EEPD1: variants seen among roughly 807,000 people sequenced by gnomAD.
The protein encoded by EEPD1 is endonuclease/exonuclease/phosphatase family domain containing 1, also known as endonuclease/exonuclease/phosphatase family domain-containing protein 1.
Under a neutral mutation model 46.3 loss-of-function variants are expected in EEPD1, and 17 were observed. The observed-to-expected ratio is 0.37, with a 90% CI of 0.25 to 0.55. The LOEUF is 0.55. Among genes scored for constraint, EEPD1 ranks in the 20% least tolerant of loss-of-function variants. The pLI is 0.83. For missense variants in EEPD1, 673 were observed against 745.6 expected, an observed-to-expected ratio of 0.90 and a Z score of 1.13; for synonymous variants, 313 against 315.6, an observed-to-expected ratio of 0.99 and a Z score of 0.09.
intron 2 of EEPD1, among the ~76,000 whole-genome samples, chr7:36,186,870 A>G (rs1298710167): frequency 1.3e-5 from 2 of 152,224 alleles, no homozygotes; most frequent in Non-Finnish European, 1.5e-5. Flanking sequence ...TTTTGCCACA[A>G]CATGTGTTTC....
chr7:36,239,100 A>G, intron 3 of EEPD1, 64 bp downstream of exon 3: 1 of 1,518,672 alleles, frequency 6.6e-7, no homozygotes, highest in South Asian at 1.2e-5. Context: ...CATAAGAAAA[A>G]TTCAACTCCC....
rs1014408931 is a variant in EEPD1, at chr7:36,255,613, C to T, written c.930+16577C>T. On this transcript the variant is annotated intron_variant, in intron 3 of 7. Coordinates refer to ENST00000242108, the MANE Select transcript of EEPD1 (RefSeq NM_030636.3). ...TCTTCTACATTTTCTGGTTTATTTG[C>T]GTACAAGTGTTTATAGTATTCTCTG... Among the ~76,000 whole-genome samples, 194 of 152,146 alleles carry T rather than the reference C, an allele frequency of 1.3e-3. 3 individuals carry two copies. Among genetic ancestry groups the T allele is most frequent in the Admixed American group, 0.013 (192 of 15,268 alleles).
chr7:36,155,948 G>A (rs1234684130), intron 2 of EEPD1, among the ~76,000 whole-genome samples: 1 of 152,126 alleles, frequency 6.6e-6, no homozygotes, highest in Admixed American at 6.6e-5. Context: ...TGTTAGCCTC[G>A]TCATAAACAA....
intron 3 of EEPD1, among the ~76,000 whole-genome samples, chr7:36,256,341 T>C (rs1038411414): frequency 2.0e-5 from 3 of 152,238 alleles, no homozygotes; most frequent in Non-Finnish European, 2.9e-5. Flanking sequence ...TTAGGTCCAC[T>C]TGGTCCAGAG....
intron 2 of EEPD1, among the ~76,000 whole-genome samples, chr7:36,171,722 G>A (rs1785087087): frequency 1.3e-5 from 2 of 152,196 alleles, no homozygotes; most frequent in Admixed American, 1.3e-4. Context: ...AAGTATAGTT[G>A]GGAAGTGTAC....
intron 6 of EEPD1, among the ~76,000 whole-genome samples, chr7:36,291,268 G>C (rs1787425217): frequency 6.6e-6 from 1 of 152,194 alleles, no homozygotes; most frequent in Non-Finnish European, 1.5e-5. Flanking sequence ...GGTTCCGCTT[G>C]TCTGTTGCTC....
At chr7:36,298,962 AC>A in intron 7 of EEPD1, 44 bp from the exon 8 acceptor site, 1 of 1,598,430 alleles carries the variant, frequency 6.3e-7, no homozygotes, top group Non-Finnish European at 8.5e-7. Flanking sequence ...CCCGCACCCA[AC>A]CCCCCATCCT....
At chr7:36,280,682 G>A (rs1351125464) in intron 3 of EEPD1, among the ~76,000 whole-genome samples, 1 of 152,126 alleles carries the variant, frequency 6.6e-6, no homozygotes, top group Non-Finnish European at 1.5e-5. Flanking sequence ...GTCATTTTTT[G>A]CCCCTGTAAG....
intron 3 of EEPD1, among the ~76,000 whole-genome samples, chr7:36,268,776 C>T (rs917155674): frequency 1.3e-5 from 2 of 152,196 alleles, no homozygotes; most frequent in African/African-American, 4.8e-5. Flanking sequence ...GGTGCCAGGC[C>T]TGTGCTACCT....
At chr7:36,273,219 C>G (rs1207905544) in intron 3 of EEPD1, among the ~76,000 whole-genome samples, 2 of 152,034 alleles carry the variant, frequency 1.3e-5, no homozygotes, top group African/African-American at 4.8e-5. Context: ...GCTATGTTAC[C>G]TTTCTGAGCC....
At chr7:36,214,045 C>T (rs983648870) in intron 2 of EEPD1, among the ~76,000 whole-genome samples, 2 of 152,102 alleles carry the variant, frequency 1.3e-5, no homozygotes, top group Non-Finnish European at 1.5e-5. Context: ...TTCAAGGAGA[C>T]AGCAGACACC....
intron 3 of EEPD1, among the ~76,000 whole-genome samples, chr7:36,267,022 C>T (rs1338083090): frequency 1.3e-5 from 2 of 152,192 alleles, no homozygotes; most frequent in African/African-American, 4.8e-5. Context: ...GGGAGTAGTG[C>T]TCCTGTGAAC....
At chr7:36,197,269 C>T (rs1444887038) in intron 2 of EEPD1, among the ~76,000 whole-genome samples, 21 of 144,570 alleles carry the variant, frequency 1.5e-4, no homozygotes, top group African/African-American at 4.9e-4. Flanking sequence ...CCCGGGCAGC[C>T]GCCCCGTCCG....
At chr7:36,179,551 C>T (rs553753085) in intron 2 of EEPD1, among the ~76,000 whole-genome samples, 5 of 151,232 alleles carry the variant, frequency 3.3e-5, no homozygotes, top group African/African-American at 9.7e-5. Context: ...CAAGAAAGGA[C>T]CACACTGTCT....
intron 2 of EEPD1, among the ~76,000 whole-genome samples, chr7:36,197,506 A>G (rs141587944): frequency 0.11 from 17,071 of 152,222 alleles, 1,100 homozygotes; most frequent in Middle Eastern, 0.16. Context: ...GAGAAATTGG[A>G]TGGTTGCCGT....
chr7:36,225,406 A>G lies in EEPD1; in HGVS notation c.879-13579A>G, dbSNP rs1225947240. Among the ~76,000 whole-genome samples, 10 of 152,192 alleles carry G rather than the reference A, an allele frequency of 6.6e-5. No individual in the cohort carries two copies. ...ATTGAAATCAGTGATCCGTCATCCA[A>G]ACTGTGATGGAAGGAAACCCCGTGC... On this transcript the variant is annotated intron_variant, in intron 2 of 7. Coordinates refer to ENST00000242108, the MANE Select transcript of EEPD1 (RefSeq NM_030636.3). This position sits in a 1 kb window ranked among gnomAD's most constrained non-coding sequence, Gnocchi z 4.2.
At chr7:36,160,596 G>A (rs1048164516) in intron 2 of EEPD1, among the ~76,000 whole-genome samples, 1 of 151,772 alleles carries the variant, frequency 6.6e-6, no homozygotes, top group Admixed American at 6.6e-5. Flanking sequence ...TCTTGTAACA[G>A]CAGGAGGAGG....
chr7:36,228,882 AT>A (rs1240710479), intron 2 of EEPD1: 1 of 152,182 alleles, frequency 6.6e-6, no homozygotes, highest in Non-Finnish European at 1.5e-5. Context: ...ATGAAAATTG[AT>A]TAATAGGTTT....
chr7:36,263,660 C>G (rs1279839963), intron 3 of EEPD1, among the ~76,000 whole-genome samples: 1 of 151,986 alleles, frequency 6.6e-6, no homozygotes, highest in Non-Finnish European at 1.5e-5. Flanking sequence ...GGGTTTTGCC[C>G]AAATCCCAAC....
Sources: allele counts gnomAD v4.1 joint callset (sites outside exome capture counted in the v4.1 genomes callset), GRCh38; gene constraint gnomAD v4.1.1; non-coding constraint Gnocchi (gnomAD v3.1); transcripts MANE v1.5; gene names NCBI Gene and HGNC (gene_info 2026-07-23, HGNC 2026-07-21).